HECW2: variants seen among roughly 807,000 people sequenced by gnomAD.
HECW2 encodes HECT, C2 and WW domain containing E3 ubiquitin protein ligase 2, also known as E3 ubiquitin-protein ligase HECW2.
HECW2 carries 61 observed loss-of-function variants against 175.2 expected under a neutral mutation model. The observed-to-expected ratio is 0.35, with a 90% CI of 0.28 to 0.43. The LOEUF (loss-of-function observed/expected upper bound fraction) is 0.43, where lower values mean the gene tolerates loss of function less well. HECW2 is among the 20% of genes least tolerant of loss of function. The pLI is 1.00. For synonymous variants in HECW2, 671 were observed against 731.0 expected (o/e 0.92, Z 1.32); for missense variants, 1,524 against 2,000.5 (o/e 0.76, Z 4.54).
rs1269099800 is a variant in HECW2 at position 196,199,076 on chromosome 2, A to T, written c.*2201T>A. 1 of 152,562 alleles carries T rather than the reference A, an allele frequency of 6.6e-6. No homozygotes were observed. The highest frequency in any genetic ancestry group is 1.5e-5 in the Non-Finnish European group (1 of 68,016). 9.5% of individuals were successfully genotyped at this position (152,562 alleles called of 1,614,324 possible). A position where few individuals can be genotyped will look rare whatever the true frequency, so the allele number is the denominator to read the frequency against. On this transcript the variant is annotated 3_prime_UTR_variant, in exon 29 of 29. Coordinates refer to ENST00000644978, the MANE Select transcript of HECW2 (RefSeq NM_001348768.2). ...ATACCATAACTAAATGTCTCAAACC[A>T]AAATGAAGGATAACATGGTCTTTGA...
intron 1 of HECW2, among the ~76,000 whole-genome samples, chr2:196,552,283 T>C (rs1206871127): frequency 1.3e-5 from 2 of 152,146 alleles, no homozygotes; most frequent in African/African-American, 4.8e-5. Flanking sequence ...ACCAATCAGG[T>C]TTGTGTGAGA....
At chr2:196,555,492 C>T (rs1030889653) in intron 1 of HECW2, among the ~76,000 whole-genome samples, 5 of 152,150 alleles carry the variant, frequency 3.3e-5, no homozygotes, top group Non-Finnish European at 5.9e-5. Flanking sequence ...TGTGGGGACA[C>T]AAACACTCAG....
chr2:196,521,932 A>G (rs1423466606), intron 1 of HECW2, among the ~76,000 whole-genome samples: 1 of 151,810 alleles, frequency 6.6e-6, no homozygotes. Flanking sequence ...GAATAATGCC[A>G]CAATAAACAT....
At chr2:196,328,745 A>G (rs1692247146) in intron 5 of HECW2, among the ~76,000 whole-genome samples, 1 of 152,204 alleles carries the variant, frequency 6.6e-6, no homozygotes, top group South Asian at 2.1e-4. Context: ...TATGTATTGT[A>G]GCATAGTTAT....
intron 2 of HECW2, among the ~76,000 whole-genome samples, chr2:196,388,069 T>G (rs936938426): frequency 2.0e-5 from 3 of 152,078 alleles, no homozygotes; most frequent in African/African-American, 7.2e-5. Context: ...TGTGGGAGGA[T>G]TGCTTGAGCC....
Position 196,343,528 on chromosome 2 carries a change from T to C in HECW2, c.400+129A>G, listed in dbSNP as rs930733673. ...GAGCATTTTCTAAAACAATATATTTTCCATCATGGCATAAATATGTAAATC... is the reference window on the plus strand; with the variant it reads ...GAGCATTTTCTAAAACAATATATTTCCCATCATGGCATAAATATGTAAATC... On this transcript the variant is annotated intron_variant, in intron 3 of 28. Transcript: ENST00000644978. 8 of 646,110 alleles carry C rather than the reference T, an allele frequency of 1.2e-5. No individual in the cohort carries two copies. The Admixed American group carries it at 2.1e-4, about 17-fold the overall frequency. 40.0% of individuals were successfully genotyped at this position (646,110 alleles called of 1,614,324 possible).
chr2:196,535,394 A>G (rs555354321), intron 1 of HECW2, among the ~76,000 whole-genome samples: 1 of 152,368 alleles, frequency 6.6e-6, no homozygotes, highest in South Asian at 2.1e-4. Context: ...AATGTTAAAC[A>G]TGTAATACCA....
intron 6 of HECW2, 82 bp downstream of exon 6, chr2:196,324,897 AG>A: frequency 8.6e-7 from 1 of 1,160,314 alleles, no homozygotes; most frequent in Non-Finnish European, 1.2e-6. Flanking sequence ...AAACAACCTG[AG>A]GGATGCAAAA....
chr2:196,228,230 T>C lies in HECW2; in HGVS notation c.3789A>G (p.Arg1263=), dbSNP rs765349394. ...EEGLDYSGPS[R]EFFFLVSREL... is the part of the protein sequence containing the mutation. ...CTCTGGATACCAGGAAGAAAAACTC[T>C]CTAGAAGGCCCACTGTAATCCAGCC... Residue 1263 remains arginine, a synonymous_variant, in exon 22 of 29, where the codon AGA becomes AGG. Coordinates refer to ENST00000644978, the MANE Select transcript of HECW2 (RefSeq NM_001348768.2). 5 of 1,606,804 alleles carry C rather than the reference T, an allele frequency of 3.1e-6. No individual in the cohort carries two copies. The highest frequency in any genetic ancestry group is 1.1e-5 in the South Asian group (1 of 89,138).
chr2:196,369,342 GTCTCTCTCTCTCTC>G (rs71410611), intron 2 of HECW2, among the ~76,000 whole-genome samples: 18 of 131,556 alleles, frequency 1.4e-4, no homozygotes, highest in Admixed American at 6.8e-4. Flanking sequence ...AACAAATGGA[GTCTCTCTCTCTCTC>G]TCTCTCTCTC....
At chr2:196,546,773 T>C (rs891392618) in intron 1 of HECW2, among the ~76,000 whole-genome samples, 2 of 151,584 alleles carry the variant, frequency 1.3e-5, no homozygotes, top group Non-Finnish European at 2.9e-5. Context: ...TGCAGTGCAT[T>C]TGAATGCAAC....
At chr2:196,549,937 G>A (rs78360570) in intron 1 of HECW2, among the ~76,000 whole-genome samples, 1,912 of 152,250 alleles carry the variant, frequency 0.013, 39 homozygotes, top group African/African-American at 0.044. Context: ...GGTGAAAGAG[G>A]GCATGATTCA....
intron 2 of HECW2, among the ~76,000 whole-genome samples, chr2:196,411,210 G>T (rs1416251051): frequency 2.0e-5 from 3 of 151,932 alleles, no homozygotes; most frequent in Non-Finnish European, 4.4e-5. Context: ...TCCCTATTTT[G>T]CACAGGCTGG....
intron 1 of HECW2, among the ~76,000 whole-genome samples, chr2:196,463,833 G>C (rs983205220): frequency 6.6e-6 from 1 of 152,106 alleles, no homozygotes; most frequent in African/African-American, 2.4e-5. Context: ...CAGGGGCAAC[G>C]AGCCCAACTA....
At chr2:196,408,344 T>A (rs975885106) in intron 2 of HECW2, among the ~76,000 whole-genome samples, 1 of 152,238 alleles carries the variant, frequency 6.6e-6, no homozygotes, top group African/African-American at 2.4e-5. Flanking sequence ...TGCGTGATTC[T>A]ATGCAGATTT....
chr2:196,255,077 A>G (rs1329044310), intron 18 of HECW2, among the ~76,000 whole-genome samples: 1 of 142,676 alleles, frequency 7.0e-6, no homozygotes, highest in Admixed American at 7.2e-5. Flanking sequence ...GGTTCAAGTG[A>G]TTCTCCTGCC....
intron 28 of HECW2, among the ~76,000 whole-genome samples, chr2:196,204,532 G>T: frequency 6.6e-6 from 1 of 152,192 alleles, no homozygotes; most frequent in East Asian, 1.9e-4. Flanking sequence ...CTTGGAAGCA[G>T]ATTCTTCCCT....
At chr2:196,510,631 A>G (rs764004151) in intron 1 of HECW2, among the ~76,000 whole-genome samples, 2 of 152,092 alleles carry the variant, frequency 1.3e-5, no homozygotes, top group Admixed American at 6.5e-5. Context: ...CTCAATACTA[A>G]AGACACTGAT....
chr2:196,465,609 G>C (rs1020178286), intron 1 of HECW2, among the ~76,000 whole-genome samples: 80 of 151,632 alleles, frequency 5.3e-4, no homozygotes, highest in African/African-American at 1.9e-3. Flanking sequence ...CTTAACTTTT[G>C]CTTTTCCATG....
Sources: allele counts gnomAD v4.1 joint callset (sites outside exome capture counted in the v4.1 genomes callset), GRCh38; gene constraint gnomAD v4.1.1; transcripts MANE v1.5; gene names NCBI Gene and HGNC (gene_info 2026-07-23, HGNC 2026-07-21).